Variants in SLC22A24 observed in about 807,000 individuals in gnomAD.
The protein encoded by SLC22A24 is steroid transmembrane transporter SLC22A24.
In SLC22A24, 53 loss-of-function variants were observed where a neutral mutation model predicts 49.8. That is an observed-to-expected ratio of 1.06 (90% confidence interval 0.85 to 1.34). The LOEUF (loss-of-function observed/expected upper bound fraction) is 1.34, where lower values mean the gene tolerates loss of function less well. Ranked by LOEUF, SLC22A24 falls within the 40% of genes most tolerant of loss-of-function variation. SLC22A24 has a pLI of 0.00. For synonymous variants in SLC22A24, 302 were observed against 256.4 expected (o/e 1.18, Z -1.70); for missense variants, 786 against 675.9 (o/e 1.16, Z -1.81).
At chr11:63,105,477 T>G (rs926117022) in intron 4 of SLC22A24, among the ~76,000 whole-genome samples, 4 of 152,128 alleles carry the variant, frequency 2.6e-5, no homozygotes, top group Non-Finnish European at 5.9e-5. Context: ...AGATGGAGGT[T>G]GCTAAACCTC....
intron 6 of SLC22A24, among the ~76,000 whole-genome samples, chr11:63,084,334 G>C (rs952264845): frequency 6.6e-6 from 1 of 152,162 alleles, no homozygotes; most frequent in Non-Finnish European, 1.5e-5. Flanking sequence ...AGGTAGGGAT[G>C]CCTGTATTTG....
At chr11:63,134,581 T>G in intron 2 of SLC22A24, 84 bp downstream of exon 2, 1 of 807,360 alleles carries the variant, frequency 1.2e-6, no homozygotes, top group Non-Finnish European at 2.0e-6. Flanking sequence ...AAGTATACAG[T>G]AAGAGCTCAG....
chr11:63,094,010 C>G (rs1221069162), intron 6 of SLC22A24, among the ~76,000 whole-genome samples: 1 of 151,562 alleles, frequency 6.6e-6, no homozygotes, highest in Non-Finnish European at 1.5e-5. Flanking sequence ...TATTATTATA[C>G]TTTAAGTTTT....
In SLC22A24 at chr11:63,095,996, A is replaced by G. The variant is rs554854763; in HGVS notation, c.1065T>C (p.Phe355=). ...KLRMRVFGLC[F]VRFAITVPFY... The stretch of plus-strand genomic sequence containing the variant: ...CATCACCAAATGGAACTTACCTCAC[A>G]AAGCACAGGCCGAAGACTCTCATTC... The change falls in exon 6 of 10, where the codon TTT becomes TTC. Residue 355 remains phenylalanine (F), a synonymous_variant. Coordinates refer to ENST00000612278, the MANE Select transcript of SLC22A24 (RefSeq NM_001136506.2). 6.5e-7 allele frequency: 1 copy of G among 1,548,864 alleles called. No homozygotes were observed. The highest frequency in any genetic ancestry group is 1.2e-5 in the South Asian group (1 of 83,880).
Position 63,144,209 on chromosome 11 carries a change from CAA to C in SLC22A24, c.-432_-431del, listed in dbSNP as rs1173913440. On this transcript the variant is annotated 5_prime_UTR_variant, in exon 1 of 10. Transcript: ENST00000612278. The stretch of plus-strand genomic sequence containing the variant: ...CTTAGAAATGGGATATTAGAAAATC[CAA>C]AGTGAATTGCTTTATGATGTTCTTG... 6.5e-6 allele frequency: 1 copy of C among 154,254 alleles called. No individual in the cohort carries two copies. The highest frequency in any genetic ancestry group is 2.4e-5 in the African/African-American group (1 of 41,498). The allele number at this position is 154,254 out of a possible 1,614,324, so 9.6% of individuals were successfully genotyped here.
At chr11:63,142,671 C>T (rs926136083) in intron 1 of SLC22A24, among the ~76,000 whole-genome samples, 3 of 152,098 alleles carry the variant, frequency 2.0e-5, no homozygotes, top group African/African-American at 4.8e-5. Flanking sequence ...TTGCAGATCC[C>T]GCACTTGATG....
intron 2 of SLC22A24, among the ~76,000 whole-genome samples, chr11:63,130,607 A>G (rs2087327205): frequency 6.6e-6 from 1 of 152,206 alleles, no homozygotes. Flanking sequence ...CTGGTCCTGG[A>G]CTTTTTTTGA....
intron 6 of SLC22A24, among the ~76,000 whole-genome samples, chr11:63,087,024 G>GCGCGCA (rs376936925): frequency 0.031 from 4,075 of 132,552 alleles, 71 homozygotes; most frequent in Non-Finnish European, 0.044. Flanking sequence ...CCTGGAGGGC[G>GCGCGCA]CACACACACA....
chr11:63,107,372 T>G (rs1282720686), intron 4 of SLC22A24, among the ~76,000 whole-genome samples: 4 of 152,192 alleles, frequency 2.6e-5, no homozygotes, highest in Non-Finnish European at 5.9e-5. Context: ...GTGTGATGCC[T>G]CCAGCTTTGT....
In SLC22A24 at chr11:63,134,819, T is replaced by G. The variant is rs2087362387; in HGVS notation, c.403-51A>C. On this transcript the variant is annotated intron_variant, in intron 1 of 9. Transcript: ENST00000612278. ...CAGAGCTTGAGAAGAGTTTCAACTC[T>G]TTAGTAGAAACTGACTCCAAACTCC... is the stretch of plus-strand genomic sequence containing the variant. The G allele has an allele frequency of 2.3e-6, 3 of 1,312,066 alleles. No homozygotes were observed. The South Asian group carries it at 3.8e-5, about 17-fold the overall frequency. 81.3% of individuals were successfully genotyped at this position (1,312,066 alleles called of 1,614,324 possible).
At chr11:63,108,649 G>A (rs1360113663) in intron 4 of SLC22A24, among the ~76,000 whole-genome samples, 1 of 151,286 alleles carries the variant, frequency 6.6e-6, no homozygotes, top group Non-Finnish European at 1.5e-5. Flanking sequence ...TTTTCCTGGT[G>A]TTTAGTCTTG....
intron 1 of SLC22A24, chr11:63,138,012 A>G (rs1236724544): frequency 6.5e-6 from 1 of 152,822 alleles, no homozygotes; most frequent in African/African-American, 2.4e-5. Flanking sequence ...CTTAGGCTGT[A>G]GCATATCTGG....
chr11:63,125,908 GTGA>G (rs1344103471), intron 2 of SLC22A24, among the ~76,000 whole-genome samples: 1 of 152,184 alleles, frequency 6.6e-6, no homozygotes, highest in Non-Finnish European at 1.5e-5. Flanking sequence ...CTGATGACTG[GTGA>G]TGATGAGCAT....
chr11:63,131,532 T>A (rs937624059), intron 2 of SLC22A24, among the ~76,000 whole-genome samples: 2 of 152,224 alleles, frequency 1.3e-5, no homozygotes, highest in African/African-American at 4.8e-5. Context: ...TCTCCTTCAC[T>A]TATGAAGCTT....
chr11:63,121,297 T>C (rs2087249848), intron 2 of SLC22A24, among the ~76,000 whole-genome samples: 1 of 152,072 alleles, frequency 6.6e-6, no homozygotes, highest in Admixed American at 6.6e-5. Context: ...GCTATAAAAA[T>C]TAAAGCCTAT....
chr11:63,096,586 G>C (rs2087056285), intron 5 of SLC22A24, among the ~76,000 whole-genome samples: 1 of 152,138 alleles, frequency 6.6e-6, no homozygotes, highest in South Asian at 2.1e-4. Flanking sequence ...GTTTGCTATT[G>C]TGAACAGTGC....
At position 63,081,385 on chromosome 11, in the gene SLC22A24, G is replaced by A. The variant is rs117970322; in HGVS notation, c.1394+173C>T. Among the ~76,000 whole-genome samples the A allele has an allele frequency of 5.7e-4, 86 of 152,168 alleles. 1 individual carries two copies. Among genetic ancestry groups the A allele is most frequent in the South Asian group, 4.8e-3 (23 of 4,818 alleles). ...ATTAATTAACCTGTAGCAATAACCCGCAGCTTTGATAATTTGATAATAATA... is the reference window on the plus strand; with the variant it reads ...ATTAATTAACCTGTAGCAATAACCCACAGCTTTGATAATTTGATAATAATA... On this transcript the variant is annotated intron_variant, in intron 8 of 9. Coordinates refer to ENST00000612278, the MANE Select transcript of SLC22A24 (RefSeq NM_001136506.2).
chr11:63,088,651 A>G (rs1200574990), intron 6 of SLC22A24, among the ~76,000 whole-genome samples: 1 of 152,122 alleles, frequency 6.6e-6, no homozygotes. Context: ...GCATATTCTA[A>G]CCCAAGGCAA....
At chr11:63,080,512 C>G (rs1565320832) in intron 9 of SLC22A24, among the ~76,000 whole-genome samples, 1 of 152,276 alleles carries the variant, frequency 6.6e-6, no homozygotes. Flanking sequence ...CAATCTCATT[C>G]CCTTTCCCAC....
Sources: gnomAD v4.1 joint callset for allele counts (sites outside exome capture counted in the v4.1 genomes callset) on GRCh38, gnomAD v4.1.1 for gene constraint, MANE v1.5 for transcripts, NCBI Gene and HGNC (gene_info 2026-07-23, HGNC 2026-07-21) for gene names.